The following ADRA1B variants were observed in gnomAD, a reference collection of about 807,000 sequenced individuals.
The protein encoded by ADRA1B is alpha-1B adrenergic receptor.
A neutral mutation model predicts 17.9 loss-of-function variants in ADRA1B; 17 were observed. The ratio of observed to expected loss-of-function variants is 0.95; its 90% CI spans 0.65 to 1.42. The LOEUF (loss-of-function observed/expected upper bound fraction) is 1.42. Among genes scored for constraint, ADRA1B ranks in the 40% most tolerant of loss-of-function variants. The pLI is 0.00. For missense variants in ADRA1B, 681 were observed against 722.1 expected, an observed-to-expected ratio of 0.94 and a Z score of 0.65; for synonymous variants, 366 against 327.6, an observed-to-expected ratio of 1.12 and a Z score of -1.27.
Position 159,916,998 on chromosome 5 carries a change from C to A in ADRA1B, c.93C>A (p.Thr31=), listed in dbSNP as rs1462484254. The change falls in exon 1 of 2, where the codon ACC becomes ACA. Residue 31 remains threonine, a synonymous_variant. Transcript: ENST00000306675. ...CCAACTTCACTGGCCCCAACCAGAC[C>A]TCGAGCAACTCCACACTGCCCCAGC... ...KNANFTGPNQ[T]SSNSTLPQLD... 2 of 1,614,188 alleles carry A rather than the reference C, an allele frequency of 1.2e-6. No individual in the cohort carries two copies. Among genetic ancestry groups the A allele is most frequent in the Non-Finnish European group, 1.7e-6 (2 of 1,180,024 alleles).
chr5:159,960,395 T>C (rs766035925), intron 1 of ADRA1B, among the ~76,000 whole-genome samples: 1 of 152,230 alleles, frequency 6.6e-6, no homozygotes, highest in Non-Finnish European at 1.5e-5. Context: ...CACTGGAGGA[T>C]TGGGGCCAAG....
chr5:159,960,700 C>G (rs1207350377), intron 1 of ADRA1B, among the ~76,000 whole-genome samples: 5 of 145,234 alleles, frequency 3.4e-5, no homozygotes, highest in African/African-American at 5.3e-5. Flanking sequence ...CAGAAAGACC[C>G]CAGCTCTTAA....
chr5:159,941,880 G>C (rs1755137216), intron 1 of ADRA1B, among the ~76,000 whole-genome samples: 1 of 151,076 alleles, frequency 6.6e-6, no homozygotes, highest in Non-Finnish European at 1.5e-5. Context: ...AGACTGAGGA[G>C]AAGGGGAAAT....
chr5:159,984,715 T>A, the ADRA1B span, among the ~76,000 whole-genome samples: 93 of 147,172 alleles, frequency 6.3e-4, 3 homozygotes, highest in South Asian at 0.02. Flanking sequence ...CTGGCCAACA[T>A]GGCGATACCC....
intron 1 of ADRA1B, chr5:159,950,942 A>T: frequency 1.8e-6 from 1 of 569,724 alleles, no homozygotes; most frequent in African/African-American, 1.8e-5. Context: ...GCCATCCACA[A>T]TCTTCTGGGT....
At chr5:159,918,151 T>C (rs1754382147) in intron 1 of ADRA1B, among the ~76,000 whole-genome samples, 1 of 152,144 alleles carries the variant, frequency 6.6e-6, no homozygotes, top group African/African-American at 2.4e-5. Flanking sequence ...AAAAAGGATA[T>C]TCACTGGGCT....
chr5:159,869,354 A>T (rs897979448), intron 1 of ADRA1B: 1 of 151,798 alleles, frequency 6.6e-6, no homozygotes, highest in Non-Finnish European at 1.5e-5. Context: ...CTAAGTGAAA[A>T]CTCTTATCAG....
intron 1 of ADRA1B, among the ~76,000 whole-genome samples, chr5:159,964,331 T>C (rs923243868): frequency 1.3e-5 from 2 of 152,176 alleles, no homozygotes; most frequent in African/African-American, 4.8e-5. Context: ...ATCTCCCTTT[T>C]CGAGAAAGAG....
At chr5:159,874,686 G>A (rs1753783877) in intron 1 of ADRA1B, among the ~76,000 whole-genome samples, 1 of 152,182 alleles carries the variant, frequency 6.6e-6, no homozygotes. Context: ...CAATTTAACA[G>A]CCTGAAGAAT....
chr5:159,878,375 G>C (rs540625999), intron 1 of ADRA1B, among the ~76,000 whole-genome samples: 1 of 152,328 alleles, frequency 6.6e-6, no homozygotes, highest in Admixed American at 6.5e-5. Flanking sequence ...TGAGCCAACT[G>C]AGAAGAGAAC....
At chr5:159,965,419 G>A (rs925555839) in intron 1 of ADRA1B, among the ~76,000 whole-genome samples, 7 of 152,084 alleles carry the variant, frequency 4.6e-5, no homozygotes, top group African/African-American at 1.7e-4. Flanking sequence ...AGAGTGTCCA[G>A]GCCTTCCAGG....
At chr5:159,971,129 A>T (rs554082280) in intron 1 of ADRA1B, among the ~76,000 whole-genome samples, 15 of 152,196 alleles carry the variant, frequency 9.9e-5, no homozygotes, top group Middle Eastern at 3.4e-3. Flanking sequence ...TGATTGCCTA[A>T]TATTTTGATT....
chr5:159,900,573 C>T (rs563552003), intron 1 of ADRA1B, among the ~76,000 whole-genome samples: 3 of 152,324 alleles, frequency 2.0e-5, no homozygotes, highest in South Asian at 2.1e-4. Context: ...TGTATTTGTA[C>T]TACTAGATCT....
chr5:159,950,332 T>C (rs553606470), intron 1 of ADRA1B, among the ~76,000 whole-genome samples: 1 of 152,176 alleles, frequency 6.6e-6, no homozygotes. Context: ...CATGACAAGG[T>C]GGGGCTCCCT....
chr5:159,944,038 T>C (rs983832532), intron 1 of ADRA1B, among the ~76,000 whole-genome samples: 42 of 152,176 alleles, frequency 2.8e-4, no homozygotes, highest in Non-Finnish European at 1.0e-4. Context: ...TGAGGTACCT[T>C]ACCCAAGATT....
chr5:159,919,176 G>A (rs1176156295), intron 1 of ADRA1B, among the ~76,000 whole-genome samples: 1 of 152,208 alleles, frequency 6.6e-6, no homozygotes, highest in Non-Finnish European at 1.5e-5. Flanking sequence ...AAGCAGGCCT[G>A]CAGGCTAATG....
At chr5:159,899,274 G>GGAAGGAAA (rs1754072240) in intron 1 of ADRA1B, among the ~76,000 whole-genome samples, 1 of 119,518 alleles carries the variant, frequency 8.4e-6, no homozygotes, top group South Asian at 2.7e-4. Flanking sequence ...AAGGAAGGAA[G>GGAAGGAAA]GAAGGAAGGA....
At chr5:159,984,030 A>C in the ADRA1B span, among the ~76,000 whole-genome samples, 1 of 151,964 alleles carries the variant, frequency 6.6e-6, no homozygotes, top group Non-Finnish European at 1.5e-5. Flanking sequence ...TCTCAGCAAC[A>C]TTTGGTGTGA....
intron 1 of ADRA1B, among the ~76,000 whole-genome samples, chr5:159,873,388 ACT>A (rs949749736): frequency 7.9e-5 from 12 of 152,232 alleles, no homozygotes; most frequent in Admixed American, 2.0e-4. Flanking sequence ...ATCAGCAGAC[ACT>A]CCAGCTGTCA....
Sources: allele counts gnomAD v4.1 joint callset (sites outside exome capture counted in the v4.1 genomes callset), GRCh38; gene constraint gnomAD v4.1.1; transcripts MANE v1.5; gene names NCBI Gene and HGNC (gene_info 2026-07-23, HGNC 2026-07-21).